Variants in TMEM179B observed in about 807,000 individuals in gnomAD.
TMEM179B encodes transmembrane protein 179B.
In TMEM179B, 13 loss-of-function variants were observed where a neutral mutation model predicts 18.0. That is an observed-to-expected ratio of 0.72 (90% CI 0.47 to 1.15). TMEM179B has a LOEUF of 1.15. Ranked by LOEUF, TMEM179B falls within the 50% of genes most tolerant of loss-of-function variation. The pLI, the probability that TMEM179B is intolerant of heterozygous loss-of-function variation, is 0.00. For synonymous variants in TMEM179B, 159 were observed against 117.5 expected (o/e 1.35, Z -2.29); for missense variants, 320 against 270.6 (o/e 1.18, Z -1.28).
intron 1 of TMEM179B, among the ~76,000 whole-genome samples, chr11:62,788,083 G>A (rs1242660243): frequency 6.6e-6 from 1 of 152,216 alleles, no homozygotes; most frequent in Non-Finnish European, 1.5e-5. Flanking sequence ...GTAGGCACTA[G>A]TGTGCCTATT....
At chr11:62,788,676 C>CAAA (rs5792270) in intron 1 of TMEM179B, among the ~76,000 whole-genome samples, 3 of 122,376 alleles carry the variant, frequency 2.5e-5, no homozygotes, top group Non-Finnish European at 3.3e-5. Flanking sequence ...TGCACTCCAG[C>CAAA]AAAAAAAAAA....
Position 62,790,303 on chromosome 11 carries a change from G to A in TMEM179B, c.*256G>A. 1 of 548,452 alleles carries A rather than the reference G, an allele frequency of 1.8e-6. No homozygotes were observed. The highest frequency in any genetic ancestry group is 3.2e-6 in the Non-Finnish European group (1 of 317,386). The allele number at this position is 548,452 out of a possible 1,614,324, so 34.0% of individuals were successfully genotyped here. A position where few individuals can be genotyped will look rare whatever the true frequency, so the allele number is the denominator to read the frequency against. ...GATAGGAGGAAGGAGTGAAGGCTAAGCAGACATGGACTGAAACTTAGAGGT... is the reference window on the plus strand; with the variant it reads ...GATAGGAGGAAGGAGTGAAGGCTAAACAGACATGGACTGAAACTTAGAGGT... On this transcript the variant is annotated 3_prime_UTR_variant, in exon 5 of 5. Coordinates refer to ENST00000333449, the MANE Select transcript of TMEM179B (RefSeq NM_199337.3).
intron 1 of TMEM179B, among the ~76,000 whole-genome samples, chr11:62,788,812 T>C (rs1017116444): frequency 5.3e-5 from 8 of 152,182 alleles, no homozygotes; most frequent in African/African-American, 1.7e-4. Context: ...CTATATTCAT[T>C]GCCTATTTTC....
Position 62,789,393 on chromosome 11 carries a change from G to T in TMEM179B, c.386G>T (p.Cys129Phe). Residue 129 changes from cysteine (C) to phenylalanine (F), a missense_variant, in exon 3 of 5, where the codon TGC becomes TTC. By Grantham distance (205) the Cys-to-Phe change is radical. Coordinates refer to ENST00000333449, the MANE Select transcript of TMEM179B (RefSeq NM_199337.3). ...CILRFGTRSL[C>F]NSIISLNTTI... ...CTTCGATTTGGCACCAGGTCTCTCT[G>T]CAACTCCATCATCTCCTTGAACACT... 6.2e-7 allele frequency: 1 copy of T among 1,613,884 alleles called. No individual in the cohort carries two copies. Among genetic ancestry groups the T allele is most frequent in the Non-Finnish European group, 8.5e-7 (1 of 1,179,988 alleles).
At chr11:62,788,898 T>C (rs2084323617) in intron 1 of TMEM179B, 125 bp from the exon 2 acceptor site, 12 of 1,068,728 alleles carry the variant, frequency 1.1e-5, no homozygotes, top group Non-Finnish European at 1.6e-5. Flanking sequence ...GAAATAGGAA[T>C]TGACGGTGCA....
chr11:62,790,156 G>A lies in TMEM179B; in HGVS notation c.*109G>A. 1.6e-6 allele frequency: 2 copies of A among 1,284,376 alleles called. No homozygotes were observed. Among genetic ancestry groups the A allele is most frequent in the Non-Finnish European group, 2.1e-6 (2 of 965,262 alleles). 79.6% of individuals were successfully genotyped at this position (1,284,376 alleles called of 1,614,324 possible). On this transcript the variant is annotated 3_prime_UTR_variant, in exon 5 of 5. Transcript: ENST00000333449. The stretch of plus-strand genomic sequence containing the variant: ...GGAGTCTTAGTTTTCCTTTCGTTGG[G>A]GGGTGGGGGGGAAACATAATGACAG...
In TMEM179B at chr11:62,788,985, T is replaced by G. The variant is rs770733561; in HGVS notation, c.97-38T>G. On this transcript the variant is annotated intron_variant, in intron 1 of 4. Coordinates refer to ENST00000333449, the MANE Select transcript of TMEM179B (RefSeq NM_199337.3). ...ACCAAGAGACTGTATCTAGAGACATTAACCTGAAATCTAGGACTCAGCAGC... is the reference window on the plus strand; with the variant it reads ...ACCAAGAGACTGTATCTAGAGACATGAACCTGAAATCTAGGACTCAGCAGC... 5.7e-6 allele frequency: 9 copies of G among 1,583,918 alleles called. No individual in the cohort carries two copies. In the Admixed American group the frequency reaches 8.8e-5, roughly 15 times the overall value.
chr11:62,787,947 G>C, intron 1 of TMEM179B: 1 of 485,250 alleles, frequency 2.1e-6, no homozygotes, highest in Non-Finnish European at 4.1e-6. Flanking sequence ...TTGTAGCACA[G>C]TGTGTTAAAT....
intron 1 of TMEM179B, among the ~76,000 whole-genome samples, 180 bp from the exon 2 acceptor site, chr11:62,788,843 G>A (rs1038907001): frequency 2.6e-5 from 4 of 152,074 alleles, no homozygotes; most frequent in Non-Finnish European, 5.9e-5. Context: ...GGCCACTGCC[G>A]GTGTGATTCC....
chr11:62,788,226 A>AACTC (rs1399502352), intron 1 of TMEM179B, among the ~76,000 whole-genome samples: 1 of 150,700 alleles, frequency 6.6e-6, no homozygotes, highest in African/African-American at 2.5e-5. Context: ...AACATGGCAA[A>AACTC]ACTCTGTCTC....
At chr11:62,789,528 A>C in intron 3 of TMEM179B, 73 bp from the exon 4 acceptor site, 9 of 1,583,750 alleles carry the variant, frequency 5.7e-6, no homozygotes, top group African/African-American at 1.3e-5. Flanking sequence ...CTCAACTCAC[A>C]GGGCACTGGG....
Position 62,787,482 on chromosome 11 carries a change from C to T in TMEM179B, c.51C>T (p.Ala17=). The T allele has an allele frequency of 6.3e-7, 1 of 1,579,402 alleles. No homozygotes were observed. The highest frequency in any genetic ancestry group is 8.5e-7 in the Non-Finnish European group (1 of 1,170,256). ...QRVELALFAA[A]FLCGAVAAAA... ...TCGAGCTTGCGCTCTTTGCTGCCGC[C>T]TTCCTGTGCGGGGCCGTGGCGGCCG... The change falls in exon 1 of 5, where the codon GCC becomes GCT. Residue 17 remains alanine (A), a synonymous_variant. Transcript: ENST00000333449.
rs767955464 is a variant in TMEM179B, at chr11:62,790,047, A to G, written c.660A>G (p.Ter220TrpextTer18). The change falls in exon 5 of 5, where the codon TGA (stop) becomes TGG (tryptophan). Residue 220 changes from the stop codon to tryptophan, a stop_lost. Coordinates refer to ENST00000333449, the MANE Select transcript of TMEM179B (RefSeq NM_199337.3). ...ALVGSRLSHS* is the reference protein window; with the variant it reads ...ALVGSRLSHSW ...TTGGGTCACGCCTTTCCCATTCCTGAAGAATAAGCGGAGTGCTTCCTGCAG... is the reference window on the plus strand; with the variant it reads ...TTGGGTCACGCCTTTCCCATTCCTGGAGAATAAGCGGAGTGCTTCCTGCAG... 2 of 1,607,446 alleles carry G rather than the reference A, an allele frequency of 1.2e-6. No homozygotes were observed. Among genetic ancestry groups the G allele is most frequent in the Non-Finnish European group, 1.7e-6 (2 of 1,176,492 alleles).
intron 1 of TMEM179B, among the ~76,000 whole-genome samples, chr11:62,788,433 GGT>G (rs1274495042): frequency 1.3e-5 from 2 of 151,718 alleles, no homozygotes; most frequent in East Asian, 3.9e-4. Flanking sequence ...GGCCGGGCCT[GGT>G]GGCTCACGCC....
chr11:62,789,399 C>T lies in TMEM179B; in HGVS notation c.392C>T (p.Ser131Phe). The T allele has an allele frequency of 6.2e-7, 1 of 1,613,954 alleles. No homozygotes were observed. Among genetic ancestry groups the T allele is most frequent in the Non-Finnish European group, 8.5e-7 (1 of 1,180,022 alleles). Residue 131 changes from serine to phenylalanine, a missense_variant, in exon 3 of 5, where the codon TCC (serine) becomes TTC (phenylalanine). Transcript: ENST00000333449. ...LRFGTRSLCN[S>F]IISLNTTISC... is the part of the protein sequence containing the mutation. ...TTTGGCACCAGGTCTCTCTGCAACTCCATCATCTCCTTGAACACTACAATT... is the reference window on the plus strand; with the variant it reads ...TTTGGCACCAGGTCTCTCTGCAACTTCATCATCTCCTTGAACACTACAATT...
chr11:62,788,900 G>A (rs1365439366), intron 1 of TMEM179B, 123 bp from the exon 2 acceptor site: 1 of 1,082,812 alleles, frequency 9.2e-7, no homozygotes, highest in Non-Finnish European at 1.3e-6. Flanking sequence ...AATAGGAATT[G>A]ACGGTGCACA....
chr11:62,790,149 T>G lies in TMEM179B; in HGVS notation c.*102T>G. 1.9e-5 allele frequency: 23 copies of G among 1,222,460 alleles called. No individual in the cohort carries two copies. The highest frequency in any genetic ancestry group is 8.2e-5 in the East Asian group (3 of 36,712). The allele number at this position is 1,222,460 out of a possible 1,614,324, so 75.7% of individuals were successfully genotyped here. A position where few individuals can be genotyped will look rare whatever the true frequency, so the allele number is the denominator to read the frequency against. The stretch of plus-strand genomic sequence containing the variant: ...TATGTTGGGAGTCTTAGTTTTCCTT[T>G]CGTTGGGGGGTGGGGGGGAAACATA... On this transcript the variant is annotated 3_prime_UTR_variant, in exon 5 of 5. Coordinates refer to ENST00000333449, the MANE Select transcript of TMEM179B (RefSeq NM_199337.3).
intron 3 of TMEM179B, 35 bp from the exon 4 acceptor site, chr11:62,789,566 C>T (rs2084333858): frequency 6.5e-7 from 1 of 1,548,210 alleles, no homozygotes; most frequent in Admixed American, 2.0e-5. Context: ...TATAAACTAT[C>T]ACGCTTTCTC....
intron 1 of TMEM179B, chr11:62,787,797 C>T (rs1284869841): frequency 2.9e-6 from 2 of 678,484 alleles, no homozygotes; most frequent in Non-Finnish European, 5.4e-6. Context: ...TTCGTGGCTC[C>T]TGCTGCACAG....
Sources: allele counts gnomAD v4.1 joint callset (sites outside exome capture counted in the v4.1 genomes callset), GRCh38; gene constraint gnomAD v4.1.1; transcripts MANE v1.5; gene names NCBI Gene and HGNC (gene_info 2026-07-23, HGNC 2026-07-21).